The following ANGPT1 variants were observed in gnomAD, a reference collection of about 807,000 sequenced individuals.
ANGPT1 encodes the protein angiopoietin 1.
In ANGPT1, 17 loss-of-function variants were observed where a neutral mutation model predicts 62.2. The ratio of observed to expected loss-of-function variants is 0.27; its 90% confidence interval spans 0.19 to 0.41. The LOEUF is 0.41. Ranked by LOEUF, ANGPT1 falls within the 10% of genes least tolerant of loss-of-function variation. The pLI is 1.00. For synonymous variants in ANGPT1, 199 were observed against 198.9 expected (o/e 1.00, Z 0.00); for missense variants, 478 against 594.9 (o/e 0.80, Z 2.04).
At chr8:107,305,641 A>G (rs1814697142) in intron 4 of ANGPT1, among the ~76,000 whole-genome samples, 1 of 152,088 alleles carries the variant, frequency 6.6e-6, no homozygotes, top group Admixed American at 6.6e-5. Flanking sequence ...TTCTACCATC[A>G]AAAGGTACAC....
At chr8:107,272,337 C>T (rs1376176116) in intron 7 of ANGPT1, among the ~76,000 whole-genome samples, 5 of 152,058 alleles carry the variant, frequency 3.3e-5, no homozygotes, top group Admixed American at 1.3e-4. Context: ...CACTTAATCT[C>T]TGATTCTCAT....
intron 1 of ANGPT1, among the ~76,000 whole-genome samples, chr8:107,388,319 G>A (rs964534370): frequency 6.6e-6 from 1 of 152,078 alleles, no homozygotes; most frequent in African/African-American, 2.4e-5. Flanking sequence ...AGAGGCTGAG[G>A]TGGGAGGATC....
At position 107,444,891 on chromosome 8, in the gene ANGPT1, C is replaced by T. The variant is rs114916314; in HGVS notation, c.297+52371G>A. Among the ~76,000 whole-genome samples, 1,166 of 152,196 alleles carry T rather than the reference C, an allele frequency of 7.7e-3. 15 individuals carry two copies. The highest frequency in any genetic ancestry group is 0.027 in the African/African-American group (1,123 of 41,528). On this transcript the variant is annotated intron_variant, in intron 1 of 8. Coordinates refer to ENST00000517746, the MANE Select transcript of ANGPT1 (RefSeq NM_001146.5). ...GAGACCAAACAACAAACCAAAAACC[C>T]GGGGAGTGAACTATAAAGGAGAAAT...
intron 1 of ANGPT1, among the ~76,000 whole-genome samples, chr8:107,352,366 A>T (rs751689745): frequency 1.3e-5 from 2 of 152,170 alleles, no homozygotes; most frequent in Non-Finnish European, 2.9e-5. Context: ...AAGAAAACAT[A>T]TTTTTAAGAA....
intron 1 of ANGPT1, among the ~76,000 whole-genome samples, chr8:107,418,557 T>G (rs535865421): frequency 1.9e-4 from 29 of 152,194 alleles, no homozygotes; most frequent in African/African-American, 6.5e-4. Flanking sequence ...TTGTAGAAAA[T>G]TGTAAAGATG....
chr8:107,309,982 G>A (rs1024439509), intron 4 of ANGPT1, among the ~76,000 whole-genome samples: 1 of 151,588 alleles, frequency 6.6e-6, no homozygotes, highest in African/African-American at 2.4e-5. Context: ...CTCTAACCCT[G>A]GAATAAGGGA....
intron 1 of ANGPT1, among the ~76,000 whole-genome samples, chr8:107,495,653 A>G (rs558284631): frequency 3.7e-4 from 57 of 152,334 alleles, no homozygotes; most frequent in Middle Eastern, 3.4e-3. Context: ...ACTAATATGT[A>G]ATGATTGAAT....
chr8:107,402,501 G>A (rs1182428772), intron 1 of ANGPT1, among the ~76,000 whole-genome samples: 6 of 152,176 alleles, frequency 3.9e-5, no homozygotes, highest in African/African-American at 9.7e-5. Context: ...GGTACACAGA[G>A]GAAGAAAGAG....
At chr8:107,482,494 G>C (rs1375015881) in intron 1 of ANGPT1, among the ~76,000 whole-genome samples, 2 of 152,156 alleles carry the variant, frequency 1.3e-5, no homozygotes, top group Admixed American at 6.5e-5. Context: ...CATGGCCTTG[G>C]GGTATATGGA....
chr8:107,471,961 A>G (rs1329479453), intron 1 of ANGPT1, among the ~76,000 whole-genome samples: 1 of 152,044 alleles, frequency 6.6e-6, no homozygotes, highest in African/African-American at 2.4e-5. Context: ...TTTTTGGTCC[A>G]TAATCCCATC....
At chr8:107,347,191 G>A (rs1815825112) in intron 1 of ANGPT1, 94 bp from the exon 2 acceptor site, 1 of 1,299,342 alleles carries the variant, frequency 7.7e-7, no homozygotes, top group East Asian at 2.4e-5. Flanking sequence ...AGACACCGCT[G>A]GCAAATCAGC....
chr8:107,272,515 A>C (rs1295234301), intron 7 of ANGPT1, among the ~76,000 whole-genome samples: 1 of 151,978 alleles, frequency 6.6e-6, no homozygotes, highest in Non-Finnish European at 1.5e-5. Context: ...GGTCTTCCCA[A>C]GCTCTTGACA....
intron 1 of ANGPT1, among the ~76,000 whole-genome samples, chr8:107,383,049 T>C (rs1433179): frequency 0.48 from 72,469 of 152,064 alleles, 19,133 homozygotes; most frequent in Non-Finnish European, 0.59. Flanking sequence ...TCTGTCCATG[T>C]CATCTGGAAA....
At chr8:107,384,095 A>G (rs1289491105) in intron 1 of ANGPT1, among the ~76,000 whole-genome samples, 3 of 152,144 alleles carry the variant, frequency 2.0e-5, no homozygotes, top group African/African-American at 4.8e-5. Context: ...AGAGGTGGAC[A>G]TGGTCATCCA....
intron 1 of ANGPT1, among the ~76,000 whole-genome samples, chr8:107,469,177 T>A (rs1718284376): frequency 6.6e-6 from 1 of 152,050 alleles, no homozygotes; most frequent in African/African-American, 2.4e-5. Flanking sequence ...CAGTCTCTAG[T>A]ATCTAGGGTT....
intron 6 of ANGPT1, among the ~76,000 whole-genome samples, chr8:107,286,724 TCA>T (rs1814150409): frequency 1.3e-5 from 2 of 152,148 alleles, no homozygotes; most frequent in African/African-American, 4.8e-5. Flanking sequence ...CACCCATAGC[TCA>T]CAGTAAAGCT....
intron 1 of ANGPT1, among the ~76,000 whole-genome samples, chr8:107,361,795 A>T (rs1395475097): frequency 6.6e-6 from 1 of 152,108 alleles, no homozygotes; most frequent in Non-Finnish European, 1.5e-5. Context: ...GCAGTGGCTC[A>T]TACCTGTAAT....
intron 1 of ANGPT1, among the ~76,000 whole-genome samples, chr8:107,424,773 G>A (rs1304110261): frequency 6.6e-6 from 1 of 152,126 alleles, no homozygotes; most frequent in African/African-American, 2.4e-5. Flanking sequence ...ATATTTCTCA[G>A]AATCCTATGA....
chr8:107,336,082 G>A (rs1374030081), intron 3 of ANGPT1, 68 bp downstream of exon 3: 3 of 1,431,822 alleles, frequency 2.1e-6, no homozygotes, highest in South Asian at 1.6e-5. Flanking sequence ...TTGTTTAAGA[G>A]TTGGCAGAGA....
Sources: gnomAD v4.1 joint callset for allele counts (sites outside exome capture counted in the v4.1 genomes callset) on GRCh38, gnomAD v4.1.1 for gene constraint, MANE v1.5 for transcripts, NCBI Gene and HGNC (gene_info 2026-07-23, HGNC 2026-07-21) for gene names.